CCDC178: variants seen among roughly 807,000 people sequenced by gnomAD.
CCDC178 encodes the protein coiled-coil domain-containing protein 178.
Under a neutral mutation model 117.4 loss-of-function variants are expected in CCDC178, and 126 were observed. The ratio of observed to expected loss-of-function variants is 1.07; its 90% confidence interval spans 0.93 to 1.24. CCDC178 has a LOEUF of 1.24. Ranked by LOEUF, CCDC178 falls within the 50% of genes most tolerant of loss-of-function variation. The pLI, the probability that CCDC178 is intolerant of heterozygous loss-of-function variation, is 0.00. For missense variants in CCDC178, 1,030 were observed against 986.9 expected (o/e 1.04, Z -0.59); for synonymous variants, 283 against 313.4 (o/e 0.90, Z 1.02).
chr18:33,181,385 A>T (rs553268574), intron 20 of CCDC178, among the ~76,000 whole-genome samples: 3 of 151,888 alleles, frequency 2.0e-5, no homozygotes, highest in Non-Finnish European at 4.4e-5. Flanking sequence ...GCCCCCTAAA[A>T]CTATAAAAAT....
chr18:33,066,200 C>T (rs2057013605), intron 21 of CCDC178, among the ~76,000 whole-genome samples: 1 of 152,034 alleles, frequency 6.6e-6, no homozygotes, highest in Non-Finnish European at 1.5e-5. Context: ...AAATCTTTCC[C>T]AGACAAGCAA....
intron 21 of CCDC178, among the ~76,000 whole-genome samples, chr18:33,078,858 AGCAGTTT>A (rs992975322): frequency 3.4e-4 from 52 of 152,228 alleles, no homozygotes; most frequent in African/African-American, 1.2e-3. Context: ...TACTGCCCAA[AGCAGTTT>A]ACAGATTCAA....
At position 32,967,764 on chromosome 18, in the gene CCDC178, T is replaced by C. The variant is rs534697177; in HGVS notation, c.2523+6783A>G. The stretch of plus-strand genomic sequence containing the variant: ...ATTTTGAAACTGACAAATTTTTTGT[T>C]TTGTTTTTAAATTTTATTTGAATGG... On this transcript the variant is annotated intron_variant, in intron 22 of 22. Transcript: ENST00000383096. Among the ~76,000 whole-genome samples, 186 of 151,898 alleles carry C rather than the reference T, an allele frequency of 1.2e-3. 1 individual carries two copies. Among genetic ancestry groups the C allele is most frequent in the Middle Eastern group, 3.4e-3 (1 of 294 alleles).
intron 14 of CCDC178, among the ~76,000 whole-genome samples, chr18:33,255,894 G>A (rs961861686): frequency 6.7e-6 from 1 of 150,244 alleles, no homozygotes; most frequent in African/African-American, 2.4e-5. Flanking sequence ...AGAATCAAGA[G>A]AATGGCATCC....
At chr18:33,107,914 C>T (rs1315801698) in intron 20 of CCDC178, among the ~76,000 whole-genome samples, 1 of 151,630 alleles carries the variant, frequency 6.6e-6, no homozygotes, top group African/African-American at 2.4e-5. Flanking sequence ...AGAGAAGAAA[C>T]GTTCTTTTTG....
intron 20 of CCDC178, among the ~76,000 whole-genome samples, chr18:33,138,547 A>G (rs918887928): frequency 3.3e-5 from 5 of 152,196 alleles, no homozygotes; most frequent in Non-Finnish European, 5.9e-5. Context: ...GTGATATTCA[A>G]CTAGTTACCC....
intron 22 of CCDC178, among the ~76,000 whole-genome samples, chr18:32,972,045 T>C (rs1404396758): frequency 6.6e-6 from 1 of 152,188 alleles, no homozygotes; most frequent in East Asian, 1.9e-4. Context: ...TTGCCAATTT[T>C]GGCTTTTTTT....
At chr18:32,953,298 A>G (rs1384336138) in intron 22 of CCDC178, among the ~76,000 whole-genome samples, 1 of 152,146 alleles carries the variant, frequency 6.6e-6, no homozygotes, top group Admixed American at 6.5e-5. Context: ...ACTGGACTTC[A>G]TTGTCTATAT....
At chr18:33,420,020 A>G (rs1173401063) in intron 2 of CCDC178, among the ~76,000 whole-genome samples, 1 of 152,194 alleles carries the variant, frequency 6.6e-6, no homozygotes, top group Admixed American at 6.5e-5. Flanking sequence ...ACTATGCACA[A>G]TAGCAAAAAC....
intron 20 of CCDC178, among the ~76,000 whole-genome samples, chr18:33,202,038 C>T (rs1482424004): frequency 6.6e-6 from 1 of 152,086 alleles, no homozygotes; most frequent in Non-Finnish European, 1.5e-5. Flanking sequence ...ATACTCCATT[C>T]TTACTCCTTA....
chr18:33,076,195 C>G (rs2057204148), intron 21 of CCDC178, among the ~76,000 whole-genome samples: 1 of 152,210 alleles, frequency 6.6e-6, no homozygotes, highest in Non-Finnish European at 1.5e-5. Context: ...TGCTCACACA[C>G]AGGCAGGCTG....
intron 10 of CCDC178, among the ~76,000 whole-genome samples, chr18:33,325,537 A>T (rs1273007326): frequency 6.6e-6 from 1 of 151,986 alleles, no homozygotes. Context: ...TAATTTAAAA[A>T]TTTCCCTCCT....
intron 21 of CCDC178, among the ~76,000 whole-genome samples, chr18:33,050,208 T>C (rs1377069364): frequency 6.6e-6 from 1 of 152,194 alleles, no homozygotes; most frequent in African/African-American, 2.4e-5. Context: ...CATTATTTTA[T>C]TCATTGTAGT....
intron 12 of CCDC178, among the ~76,000 whole-genome samples, chr18:33,273,894 T>G (rs991546452): frequency 6.6e-6 from 1 of 151,812 alleles, no homozygotes; most frequent in Admixed American, 6.6e-5. Context: ...TACAAACTTT[T>G]AGTTTTTAAA....
intron 9 of CCDC178, among the ~76,000 whole-genome samples, chr18:33,342,230 G>T (rs912736447): frequency 5.4e-5 from 8 of 149,136 alleles, no homozygotes; most frequent in African/African-American, 2.0e-4. Flanking sequence ...GAAACAATAT[G>T]ATATGTTTCA....
At chr18:33,111,886 T>A (rs2057787866) in intron 20 of CCDC178, among the ~76,000 whole-genome samples, 1 of 151,834 alleles carries the variant, frequency 6.6e-6, no homozygotes, top group South Asian at 2.1e-4. Context: ...ATCTATTATG[T>A]ATTAAAGTTC....
chr18:33,188,009 C>T (rs1440738928), intron 20 of CCDC178, among the ~76,000 whole-genome samples: 1 of 152,130 alleles, frequency 6.6e-6, no homozygotes, highest in Admixed American at 6.6e-5. Flanking sequence ...CAACATTCTT[C>T]AAGAGCTCGG....
At chr18:33,011,144 C>T (rs1190075450) in intron 21 of CCDC178, among the ~76,000 whole-genome samples, 2 of 152,066 alleles carry the variant, frequency 1.3e-5, no homozygotes. Context: ...ATAGAACACA[C>T]AGAAAATTTA....
intron 11 of CCDC178, among the ~76,000 whole-genome samples, chr18:33,307,579 C>T (rs949884892): frequency 2.6e-5 from 4 of 152,158 alleles, no homozygotes; most frequent in African/African-American, 7.2e-5. Flanking sequence ...AAGCTGGCTG[C>T]ATACATTTGC....
Sources: allele counts gnomAD v4.1 joint callset (sites outside exome capture counted in the v4.1 genomes callset), GRCh38; gene constraint gnomAD v4.1.1; transcripts MANE v1.5; gene names NCBI Gene and HGNC (gene_info 2026-07-23, HGNC 2026-07-21).